SNX14: variants seen among roughly 807,000 people sequenced by gnomAD.
SNX14 encodes sorting nexin-14.
SNX14 carries 93 observed loss-of-function variants against 133.8 expected under a neutral mutation model. The ratio of observed to expected loss-of-function variants is 0.70; its 90% CI spans 0.59 to 0.83. The LOEUF is 0.83. Among genes scored for constraint, SNX14 ranks in the 40% least tolerant of loss-of-function variants. The probability of loss-of-function intolerance (pLI) is 0.00; values close to 1 mark genes in which losing one functional copy is unlikely to be tolerated. For synonymous variants in SNX14, 368 were observed against 365.6 expected (o/e 1.01, Z -0.07); for missense variants, 945 against 1,094.9 (o/e 0.86, Z 1.93).
At position 85,565,416 on chromosome 6, in the gene SNX14, A is replaced by G. The variant is rs777350634; in HGVS notation, c.465T>C (p.Asp155=). 1.4e-5 allele frequency: 23 copies of G among 1,591,420 alleles called. No homozygotes were observed. Among genetic ancestry groups the G allele is most frequent in the Non-Finnish European group, 2.0e-5 (23 of 1,167,414 alleles). ...LENFVYPWYR[D]VTDDESFVDE... ...CAACAAAGGATTCATCATCTGTCAC[A>G]TCCCTTCAATAAGGAGAAAAACAAA... The change falls in exon 6 of 29, where the codon GAT becomes GAC. Residue 155 remains aspartate, a synonymous_variant. Transcript: ENST00000314673.
chr6:85,562,609 CAG>C (rs1419564415), intron 6 of SNX14, among the ~76,000 whole-genome samples: 1 of 98,046 alleles, frequency 1.0e-5, no homozygotes, highest in Non-Finnish European at 1.8e-5. Context: ...TTTTTTGAGA[CAG>C]AGTCTCGCTC....
chr6:85,558,710 C>T (rs1353090261), intron 6 of SNX14, among the ~76,000 whole-genome samples: 1 of 152,062 alleles, frequency 6.6e-6, no homozygotes, highest in African/African-American at 2.4e-5. Context: ...GTAATCCACC[C>T]ACCTCAGCCT....
intron 6 of SNX14, among the ~76,000 whole-genome samples, chr6:85,563,585 G>A (rs1406192322): frequency 6.6e-6 from 1 of 152,080 alleles, no homozygotes; most frequent in Non-Finnish European, 1.5e-5. Flanking sequence ...TAGAGACAGA[G>A]TTTCACCATG....
At chr6:85,583,309 T>G (rs1220138703) in intron 1 of SNX14, among the ~76,000 whole-genome samples, 1 of 152,094 alleles carries the variant, frequency 6.6e-6, no homozygotes, top group Non-Finnish European at 1.5e-5. Context: ...TCATACTGAA[T>G]GGGCAAAAAG....
chr6:85,531,373 A>G (rs1482039580), intron 18 of SNX14, among the ~76,000 whole-genome samples: 1 of 152,226 alleles, frequency 6.6e-6, no homozygotes, highest in Non-Finnish European at 1.5e-5. Context: ...CAGAGTAAAT[A>G]CCTCATAAAT....
chr6:85,543,332 A>G (rs756212148), intron 13 of SNX14, 26 bp from the exon 14 acceptor site: 3 of 1,531,376 alleles, frequency 2.0e-6, no homozygotes, highest in East Asian at 2.3e-5. Flanking sequence ...TACTGTAGAA[A>G]TTATTTATAA....
intron 13 of SNX14, 55 bp from the exon 14 acceptor site, chr6:85,543,361 G>A: frequency 1.4e-6 from 2 of 1,415,620 alleles, no homozygotes; most frequent in East Asian, 2.6e-5. Flanking sequence ...AATATATACA[G>A]TTCTAAAACG....
intron 26 of SNX14, chr6:85,508,599 C>T (rs1004321701): frequency 6.2e-6 from 1 of 160,766 alleles, no homozygotes; most frequent in African/African-American, 2.4e-5. Context: ...AGACTTTTCT[C>T]AGTGAATAAG....
chr6:85,562,990 T>C (rs1792260310), intron 6 of SNX14, among the ~76,000 whole-genome samples: 1 of 152,172 alleles, frequency 6.6e-6, no homozygotes, highest in South Asian at 2.1e-4. Flanking sequence ...TCACCATTAC[T>C]AGATATTAAC....
intron 12 of SNX14, among the ~76,000 whole-genome samples, chr6:85,545,190 G>A (rs1785072105): frequency 2.0e-5 from 3 of 151,974 alleles, no homozygotes; most frequent in Non-Finnish European, 2.9e-5. Context: ...AAAAAAATAG[G>A]AAAGATAAAA....
At chr6:85,531,601 T>A in intron 18 of SNX14, among the ~76,000 whole-genome samples, 1 of 152,252 alleles carries the variant, frequency 6.6e-6, no homozygotes, top group East Asian at 1.9e-4. Flanking sequence ...CTGAAATTGT[T>A]ATTTTGTTAT....
At position 85,593,599 on chromosome 6, in the gene SNX14, G is replaced by C. The variant is rs762717549; in HGVS notation, c.120C>G (p.Ala40=). ...LFCFLLLCLS[A]ASLLLNRYIH... ...GTTACCTGTTAAGAAGCAGGGAGGC[G>C]GCGCTGAGACAGAGCAGCAGGAAGC... Residue 40 remains alanine (A), a synonymous_variant, in exon 1 of 29, where the codon GCC becomes GCG. Transcript: ENST00000314673. The C allele has an allele frequency of 6.2e-7, 1 of 1,612,502 alleles. No homozygotes were observed. Among genetic ancestry groups the C allele is most frequent in the East Asian group, 2.2e-5 (1 of 44,826 alleles).
At chr6:85,545,831 G>A (rs572201679) in intron 12 of SNX14, among the ~76,000 whole-genome samples, 1 of 152,220 alleles carries the variant, frequency 6.6e-6, no homozygotes, top group East Asian at 1.9e-4. Context: ...TTACAGGCAT[G>A]AGCCAACACG....
chr6:85,584,610 AAAG>A (rs1342727762), intron 1 of SNX14, among the ~76,000 whole-genome samples: 1 of 152,246 alleles, frequency 6.6e-6, no homozygotes, highest in African/African-American at 2.4e-5. Flanking sequence ...ATCCTTCTCA[AAAG>A]AAGACATTTA....
At position 85,551,332 on chromosome 6, in the gene SNX14, G is replaced by A. The variant is rs1044744642; in HGVS notation, c.635-1453C>T. ...AAGCAAAACCAGTTCCTGCTGTTGGGAGCCAAGATGAACTGTGGCTGGAAA... is the reference window on the plus strand; with the variant it reads ...AAGCAAAACCAGTTCCTGCTGTTGGAAGCCAAGATGAACTGTGGCTGGAAA... On this transcript the variant is annotated intron_variant, in intron 7 of 28. Coordinates refer to ENST00000314673, the MANE Select transcript of SNX14 (RefSeq NM_153816.6). Among the ~76,000 whole-genome samples, 14 of 152,244 alleles carry A rather than the reference G, an allele frequency of 9.2e-5. 1 individual carries two copies. Among genetic ancestry groups the A allele is most frequent in the Admixed American group, 3.9e-4 (6 of 15,276 alleles).
intron 7 of SNX14, among the ~76,000 whole-genome samples, chr6:85,553,495 T>C (rs748050721): frequency 5.9e-5 from 9 of 152,104 alleles, no homozygotes; most frequent in Non-Finnish European, 1.3e-4. Context: ...CCTTAGAATC[T>C]GTATCAGGCC....
At chr6:85,516,318 T>C (rs1233452221) in intron 23 of SNX14, among the ~76,000 whole-genome samples, 1 of 152,198 alleles carries the variant, frequency 6.6e-6, no homozygotes, top group African/African-American at 2.4e-5. Context: ...CTCTTATTTT[T>C]CTCCCTGACA....
At chr6:85,560,252 T>C (rs182774564) in intron 6 of SNX14, among the ~76,000 whole-genome samples, 1 of 152,262 alleles carries the variant, frequency 6.6e-6, no homozygotes, top group Non-Finnish European at 1.5e-5. Flanking sequence ...AACTGATGAA[T>C]GGATAAACAA....
chr6:85,545,303 A>G (rs1292521827), intron 12 of SNX14, among the ~76,000 whole-genome samples: 1 of 152,236 alleles, frequency 6.6e-6, no homozygotes, highest in Non-Finnish European at 1.5e-5. Context: ...GCCTAACAAT[A>G]AACACATAAT....
Sources: allele counts gnomAD v4.1 joint callset (sites outside exome capture counted in the v4.1 genomes callset), GRCh38; gene constraint gnomAD v4.1.1; transcripts MANE v1.5; gene names NCBI Gene and HGNC (gene_info 2026-07-23, HGNC 2026-07-21).